The following MYH15 variants were observed in gnomAD, a reference collection of about 807,000 sequenced individuals.
MYH15 encodes myosin-15.
In MYH15, 227 loss-of-function variants were observed where a neutral mutation model predicts 240.5. That is an observed-to-expected ratio of 0.94 (90% confidence interval 0.85 to 1.05). The LOEUF is 1.05. Ranked by LOEUF, MYH15 falls within the 50% of genes least tolerant of loss-of-function variation. MYH15 has a pLI of 0.00. For missense variants in MYH15, 2,217 were observed against 2,247.5 expected (o/e 0.99, Z 0.27); for synonymous variants, 785 against 796.7 (o/e 0.99, Z 0.25).
intron 27 of MYH15, among the ~76,000 whole-genome samples, chr3:108,423,369 C>T (rs2082699405): frequency 6.6e-6 from 1 of 152,154 alleles, no homozygotes; most frequent in African/African-American, 2.4e-5. Flanking sequence ...CACAGATGTC[C>T]TACAGCACAC....
chr3:108,441,763 A>T (rs1438950504), intron 22 of MYH15, among the ~76,000 whole-genome samples: 1 of 152,228 alleles, frequency 6.6e-6, no homozygotes, highest in Non-Finnish European at 1.5e-5. Context: ...TATGTTTTTT[A>T]AATTCATAGG....
chr3:108,383,584 A>G lies in MYH15; in HGVS notation c.5766+11T>C. 2 of 1,612,330 alleles carry G rather than the reference A, an allele frequency of 1.2e-6. No individual in the cohort carries two copies. Among genetic ancestry groups the G allele is most frequent in the South Asian group, 2.2e-5 (2 of 90,856 alleles). On this transcript the variant is annotated intron_variant, in intron 40 of 40. Transcript: ENST00000693548. ...TTAAAGAGTTAGAACAGAGTTGAAT[A>G]TCTGCCATACCTTTTTCCCAAACTC...
chr3:108,428,057 T>C (rs753964491), intron 27 of MYH15, among the ~76,000 whole-genome samples: 6 of 152,252 alleles, frequency 3.9e-5, no homozygotes, highest in Non-Finnish European at 7.3e-5. Flanking sequence ...CCAGAGGACT[T>C]GAGGGAGAAA....
chr3:108,446,193 T>C (rs1201623912), intron 21 of MYH15, among the ~76,000 whole-genome samples: 2 of 152,194 alleles, frequency 1.3e-5, no homozygotes, highest in Non-Finnish European at 2.9e-5. Context: ...AACCACAGAC[T>C]GATTCTCATG....
At chr3:108,442,718 G>A (rs1044172090) in intron 22 of MYH15, among the ~76,000 whole-genome samples, 1 of 151,768 alleles carries the variant, frequency 6.6e-6, no homozygotes, top group African/African-American at 2.4e-5. Context: ...TTGAAATGGG[G>A]TCACTCAGTT....
chr3:108,534,231 A>C (rs1000905893), upstream of MYH15, among the ~76,000 whole-genome samples: 5 of 152,218 alleles, frequency 3.3e-5, no homozygotes, highest in Non-Finnish European at 7.3e-5. Flanking sequence ...TAAGGCTCAC[A>C]TCAGAAAACT....
chr3:108,514,854 C>G (rs1053676380), upstream of MYH15, among the ~76,000 whole-genome samples: 1 of 152,132 alleles, frequency 6.6e-6, no homozygotes, highest in Non-Finnish European at 1.5e-5. Flanking sequence ...GCCCACCATT[C>G]CAATGGAAGG....
At chr3:108,493,260 A>G in intron 7 of MYH15, 83 bp from the exon 8 acceptor site, 2 of 941,406 alleles carry the variant, frequency 2.1e-6, no homozygotes, top group Non-Finnish European at 1.7e-6. Context: ...GCTTCATTAT[A>G]TGTAACTCTC....
At chr3:108,547,949 T>C in the MYH15 span, among the ~76,000 whole-genome samples, 2 of 152,146 alleles carry the variant, frequency 1.3e-5, no homozygotes, top group African/African-American at 2.4e-5. Flanking sequence ...AACTACTTTG[T>C]ATTGGTGCAT....
chr3:108,506,427 G>A (rs1236227880), intron 1 of MYH15, among the ~76,000 whole-genome samples: 3 of 151,930 alleles, frequency 2.0e-5, no homozygotes, highest in Non-Finnish European at 2.9e-5. Flanking sequence ...TCTCTTCAGC[G>A]TCCTCAGTTC....
At chr3:108,437,459 C>A in intron 25 of MYH15, 95 bp downstream of exon 25, 1 of 1,445,164 alleles carries the variant, frequency 6.9e-7, no homozygotes, top group African/African-American at 1.4e-5. Flanking sequence ...CTTGAGCTAT[C>A]TGGCCCTGGA....
intron 28 of MYH15, among the ~76,000 whole-genome samples, chr3:108,418,075 A>C (rs958785019): frequency 1.1e-4 from 16 of 152,144 alleles, no homozygotes; most frequent in Non-Finnish European, 2.1e-4. Context: ...GCTTTCCTTG[A>C]AGTGACAGGT....
chr3:108,523,992 G>A (rs1021787565), intron 1 of MYH15, among the ~76,000 whole-genome samples: 15 of 151,570 alleles, frequency 9.9e-5, no homozygotes, highest in East Asian at 5.8e-4. Flanking sequence ...GTTTTTTGCC[G>A]TTATAAAAAA....
the MYH15 span, among the ~76,000 whole-genome samples, chr3:108,537,954 T>G: frequency 6.6e-6 from 1 of 152,212 alleles, no homozygotes; most frequent in Non-Finnish European, 1.5e-5. Flanking sequence ...GCACTATTCA[T>G]TCTGTCCCTT....
Position 108,444,760 on chromosome 3 carries a change from C to A in MYH15, c.2535G>T (p.Lys845Asn). 6.2e-7 allele frequency: 1 copy of A among 1,614,128 alleles called. No homozygotes were observed. The highest frequency in any genetic ancestry group is 8.5e-7 in the Non-Finnish European group (1 of 1,180,004). ...CTTTCTGTAATTGTGCACACTCTTCCTTCAGTCCAGCTACTTCTTCTCCTA... is the reference window on the plus strand; with the variant it reads ...CTTTCTGTAATTGTGCACACTCTTCATTCAGTCCAGCTACTTCTTCTCCTA... ...SEVGEEVAGL[K>N]EECAQLQKAL... Residue 845 changes from lysine (K) to asparagine (N), a missense_variant, in exon 22 of 41, where the codon AAG (lysine) becomes AAT (asparagine). Transcript: ENST00000693548.
In MYH15 at chr3:108,427,459, G is replaced by A. The variant is rs537099801; in HGVS notation, c.3702+1033C>T. ...AGCAAGAGGCACCATCTTAGAAGCAGAGAGACCTCACCAGACAATAAACCT... is the reference window on the plus strand; with the variant it reads ...AGCAAGAGGCACCATCTTAGAAGCAAAGAGACCTCACCAGACAATAAACCT... On this transcript the variant is annotated intron_variant, in intron 27 of 40. Transcript: ENST00000693548. Among the ~76,000 whole-genome samples, 7 of 152,248 alleles carry A rather than the reference G, an allele frequency of 4.6e-5. No individual in the cohort carries two copies. The East Asian group carries it at 1.4e-3, about 29-fold the overall frequency.
Position 108,510,567 on chromosome 3 carries a change from C to T in MYH15, c.-37G>A, listed in dbSNP as rs768574402. On this transcript the variant is annotated 5_prime_UTR_variant, in exon 1 of 41. Transcript: ENST00000693548. ...CAATCCACCAAAAAAAGGCCCTAAA[C>T]GTGAGTAGGCAAGATTCAACCTGAA... The T allele has an allele frequency of 1.4e-5, 23 of 1,606,910 alleles. No homozygotes were observed. The highest frequency in any genetic ancestry group is 6.8e-5 in the African/African-American group (5 of 73,918).
At chr3:108,440,976 C>A (rs1419356054) in intron 23 of MYH15, 42 bp downstream of exon 23, 1 of 1,608,304 alleles carries the variant, frequency 6.2e-7, no homozygotes, top group South Asian at 1.1e-5. Context: ...GAGTGGAATT[C>A]TGGCTGCTAG....
rs2083478984 is a variant in MYH15 at position 108,506,730 on chromosome 3, G to A, written c.89-901C>T. 4.6e-5 allele frequency among the ~76,000 whole-genome samples: 7 copies of A among 152,196 alleles called. No homozygotes were observed. In the South Asian group the frequency reaches 1.2e-3, roughly 27 times the overall value. On this transcript the variant is annotated intron_variant, in intron 1 of 40. Transcript: ENST00000693548. ...CAAGACCCTTTACTCCCCCAGTCCT[G>A]TCTCTACAAAAAACAAATAAGGCAG...
Sources: gnomAD v4.1 joint callset for allele counts (sites outside exome capture counted in the v4.1 genomes callset) on GRCh38, gnomAD v4.1.1 for gene constraint, MANE v1.5 for transcripts, NCBI Gene and HGNC (gene_info 2026-07-23, HGNC 2026-07-21) for gene names.